Variants in MAGEA11 observed in about 807,000 individuals in gnomAD.
MAGEA11 encodes the protein MAGE family member A11.
Under a neutral mutation model 8.4 loss-of-function variants are expected in MAGEA11, and 1 was observed. That is an observed-to-expected ratio of 0.12 (90% CI 0.04 to 0.57). The LOEUF (loss-of-function observed/expected upper bound fraction) is 0.57. Among genes scored for constraint, MAGEA11 ranks in the 20% least tolerant of loss-of-function variants. The pLI is 0.91. For missense variants in MAGEA11, 209 were observed against 317.3 expected (o/e 0.66, Z 2.59); for synonymous variants, 127 against 119.3 (o/e 1.06, Z -0.42).
At chrX:149,697,652 A>C (rs2090335439) in intron 1 of MAGEA11, among the ~76,000 whole-genome samples, 1 of 110,233 alleles carries the variant, frequency 9.1e-6, no homozygotes, top group African/African-American at 3.3e-5. Context: ...GGCTGGCTTG[A>C]GGCCTAAGGA....
chrX:149,707,192 G>A (rs1273051296), upstream of MAGEA11, among the ~76,000 whole-genome samples: 2 of 112,243 alleles, frequency 1.8e-5, no homozygotes, highest in Non-Finnish European at 3.8e-5. Flanking sequence ...CAAATACTAG[G>A]ACCATAGAAC....
At chrX:149,715,028 C>T (rs782104534) in intron 3 of MAGEA11, among the ~76,000 whole-genome samples, 1 of 112,066 alleles carries the variant, frequency 8.9e-6, no homozygotes, top group South Asian at 3.8e-4. Flanking sequence ...CAAACAGGCT[C>T]CTTACCCGAG....
At chrX:149,701,189 A>C (rs1476875503) in intron 1 of MAGEA11, among the ~76,000 whole-genome samples, 2 of 109,736 alleles carry the variant, frequency 1.8e-5, no homozygotes, top group Non-Finnish European at 3.8e-5. Flanking sequence ...CCAACAGTGT[A>C]AAAGTGTTCC....
intron 1 of MAGEA11, among the ~76,000 whole-genome samples, chrX:149,692,455 T>G (rs1264608757): frequency 4.5e-5 from 5 of 111,097 alleles, no homozygotes; most frequent in African/African-American, 1.6e-4. Flanking sequence ...AGTTAGTGGT[T>G]GTTTGGTGGT....
At chrX:149,690,027 C>T (rs782652197) in intron 1 of MAGEA11, among the ~76,000 whole-genome samples, 1 of 112,457 alleles carries the variant, frequency 8.9e-6, no homozygotes, top group East Asian at 2.8e-4. Context: ...CCTAGCCCTG[C>T]TTCAGCCTCT....
At chrX:149,707,048 G>C (rs895644150) in intron 1 of MAGEA11, among the ~76,000 whole-genome samples, 21 of 112,120 alleles carry the variant, frequency 1.9e-4, no homozygotes, top group Non-Finnish European at 3.9e-4. Flanking sequence ...CAGGCCTTTG[G>C]AGTCCCTTTA....
rs782126718 is a variant in MAGEA11, at chrX:149,716,055, G to T, written c.569G>T (p.Gly190Val). ...CCCACTGCCATGGATGCCATCTTTG[G>T]GAGCCTATCTGATGAGGGCTCTGGC... is the stretch of plus-strand genomic sequence containing the variant. ...FSPTAMDAIF[G>V]SLSDEGSGSQ... is the part of the protein sequence containing the mutation. The change falls in exon 5 of 5, where the codon GGG (glycine) becomes GTG (valine). Residue 190 changes from glycine (G) to valine (V), a missense_variant. This residue lies in a region of MAGEA11 where 131 missense variants were observed against 138.5 expected (regional missense o/e 0.95). Transcript: ENST00000355220. 1 of 1,211,979 alleles carries T rather than the reference G, an allele frequency of 8.3e-7. No individual in the cohort carries two copies. The highest frequency in any genetic ancestry group is 3.0e-5 in the East Asian group (1 of 33,847).
rs1557362400 is a variant in MAGEA11, at chrX:149,715,780, T to C, written c.294T>C (p.Phe98=). Residue 98 remains phenylalanine (F), a synonymous_variant, in exon 5 of 5, where the codon TTT becomes TTC. Coordinates refer to ENST00000355220, the MANE Select transcript of MAGEA11 (RefSeq NM_005366.5). ...QVLWGPITQI[F]PTVRPADLTR... The stretch of plus-strand genomic sequence containing the variant: ...TGTGGGGCCCCATCACCCAGATATT[T>C]CCCACAGTTCGGCCTGCTGACCTAA... 1 of 1,200,184 alleles carries C rather than the reference T, an allele frequency of 8.3e-7. No individual in the cohort carries two copies. The highest frequency in any genetic ancestry group is 1.1e-6 in the Non-Finnish European group (1 of 890,799).
chrX:149,698,850 A>G (rs1402688785), intron 1 of MAGEA11, among the ~76,000 whole-genome samples: 2 of 111,093 alleles, frequency 1.8e-5, no homozygotes, highest in Non-Finnish European at 3.8e-5. Flanking sequence ...TATGAGTGAC[A>G]ACATGTGATG....
At chrX:149,690,043 G>A (rs1274397035) in intron 1 of MAGEA11, among the ~76,000 whole-genome samples, 3 of 111,890 alleles carry the variant, frequency 2.7e-5, no homozygotes, top group African/African-American at 9.7e-5. Context: ...CCTCTCCTCC[G>A]GGAAAGAGGC....
intron 1 of MAGEA11, among the ~76,000 whole-genome samples, chrX:149,691,672 A>C (rs2090311130): frequency 8.9e-6 from 1 of 112,050 alleles, no homozygotes; most frequent in South Asian, 3.7e-4. Context: ...AACAAGAACT[A>C]TCCTCAAACC....
chrX:149,702,865 A>C (rs2090360391), intron 1 of MAGEA11, among the ~76,000 whole-genome samples: 1 of 112,134 alleles, frequency 8.9e-6, no homozygotes, highest in Non-Finnish European at 1.9e-5. Flanking sequence ...TGGGGACTAC[A>C]ATTGATAGTT....
At chrX:149,706,326 G>A (rs1163368568) in intron 1 of MAGEA11, among the ~76,000 whole-genome samples, 2 of 111,776 alleles carry the variant, frequency 1.8e-5, no homozygotes, top group East Asian at 2.8e-4. Flanking sequence ...TAAACTTTTT[G>A]GGGGTACACC....
At chrX:149,692,825 G>A (rs180738356) in intron 1 of MAGEA11, among the ~76,000 whole-genome samples, 1 of 111,822 alleles carries the variant, frequency 8.9e-6, no homozygotes, top group East Asian at 2.8e-4. Flanking sequence ...TGCTGTTCTC[G>A]TGATAGTGAA....
At chrX:149,713,066 A>C (rs781934284) in intron 1 of MAGEA11, 77 bp from the exon 2 acceptor site, 85 of 610,214 alleles carry the variant, frequency 1.4e-4, no homozygotes, top group Non-Finnish European at 1.1e-5. Flanking sequence ...CTGAGGGACA[A>C]CTGAAGGGAC....
At chrX:149,693,026 A>G (rs1557360283) in intron 1 of MAGEA11, among the ~76,000 whole-genome samples, 2 of 112,261 alleles carry the variant, frequency 1.8e-5, no homozygotes, top group Non-Finnish European at 3.8e-5. Flanking sequence ...ACTCTCGAGT[A>G]TGTCTTTGTT....
intron 1 of MAGEA11, among the ~76,000 whole-genome samples, chrX:149,693,589 A>G (rs1467308953): frequency 8.9e-6 from 1 of 112,094 alleles, no homozygotes; most frequent in Non-Finnish European, 1.9e-5. Context: ...TACATGTACC[A>G]TAAATTTACC....
At chrX:149,705,051 C>T (rs2090370957) in intron 1 of MAGEA11, among the ~76,000 whole-genome samples, 1 of 112,534 alleles carries the variant, frequency 8.9e-6, no homozygotes, top group East Asian at 2.8e-4. Flanking sequence ...AGCATCCTGC[C>T]ACTAGCCCCC....
At position 149,713,047 on chromosome X, in the gene MAGEA11, G is replaced by A; in HGVS notation, c.-17-96G>A. 5.7e-6 allele frequency: 3 copies of A among 526,727 alleles called. No homozygotes were observed. The African/African-American group carries it at 7.0e-5, about 12-fold the overall frequency. The allele number at this position is 526,727 out of a possible 1,213,427, so 43.4% of individuals were successfully genotyped here. ...CAGGGCTCAGTCCCTGCTGGGAGGTGAGCAAGGCCTGAGGGACAACTGAAG... is the reference window on the plus strand; with the variant it reads ...CAGGGCTCAGTCCCTGCTGGGAGGTAAGCAAGGCCTGAGGGACAACTGAAG... On this transcript the variant is annotated intron_variant, in intron 1 of 4. Transcript: ENST00000355220.
Sources: gnomAD v4.1 joint callset for allele counts (sites outside exome capture counted in the v4.1 genomes callset) on GRCh38, gnomAD v4.1.1 for gene constraint, gnomAD v4.1.1 regional missense constraint, MANE v1.5 for transcripts, NCBI Gene and HGNC (gene_info 2026-07-23, HGNC 2026-07-21) for gene names.